The following PPARGC1A variants were observed in gnomAD, a reference collection of about 807,000 sequenced individuals.
PPARGC1A encodes the protein peroxisome proliferator-activated receptor gamma coactivator 1-alpha.
PPARGC1A carries 25 observed loss-of-function variants against 88.7 expected under a neutral mutation model. The observed-to-expected ratio is 0.28, with a 90% CI of 0.21 to 0.39. PPARGC1A has a LOEUF of 0.39. Among genes scored for constraint, PPARGC1A ranks in the 10% least tolerant of loss-of-function variants. PPARGC1A has a pLI of 1.00. For synonymous variants in PPARGC1A, 363 were observed against 355.6 expected (o/e 1.02, Z -0.24); for missense variants, 880 against 968.7 (o/e 0.91, Z 1.22).
chr4:24,196,959 G>GTATGCTGGAAAAGATTTTGGT, the PPARGC1A span, among the ~76,000 whole-genome samples: 1 of 152,186 alleles, frequency 6.6e-6, no homozygotes, highest in Non-Finnish European at 1.5e-5. Flanking sequence ...AGAAGAGACA[G>GTATGCTGGAAAAGATTTTGGT]TGTGTTTGAA....
At chr4:24,038,822 G>A in the PPARGC1A span, among the ~76,000 whole-genome samples, 1 of 152,066 alleles carries the variant, frequency 6.6e-6, no homozygotes, top group Non-Finnish European at 1.5e-5. Context: ...ACACTGAGAT[G>A]GGCATTCAGA....
At chr4:24,408,633 G>C in the PPARGC1A span, among the ~76,000 whole-genome samples, 1 of 152,178 alleles carries the variant, frequency 6.6e-6, no homozygotes, top group Non-Finnish European at 1.5e-5. Flanking sequence ...GCCATGCTGG[G>C]AGAAGCCCAA....
At chr4:24,277,413 G>A in the PPARGC1A span, among the ~76,000 whole-genome samples, 1 of 152,078 alleles carries the variant, frequency 6.6e-6, no homozygotes, top group African/African-American at 2.4e-5. Flanking sequence ...CCCTCCAAGT[G>A]TAGGCTCTGT....
chr4:24,342,632 T>A, the PPARGC1A span, among the ~76,000 whole-genome samples: 1 of 152,256 alleles, frequency 6.6e-6, no homozygotes, highest in Non-Finnish European at 1.5e-5. Context: ...TGTATTTCCT[T>A]CATTAAGCTA....
At chr4:24,372,734 T>TA in the PPARGC1A span, among the ~76,000 whole-genome samples, 4 of 152,214 alleles carry the variant, frequency 2.6e-5, no homozygotes, top group East Asian at 7.7e-4. Context: ...TTGAGCAAGC[T>TA]ACTTTATTAA....
the PPARGC1A span, among the ~76,000 whole-genome samples, chr4:24,443,155 T>C: frequency 6.6e-6 from 1 of 152,206 alleles, no homozygotes; most frequent in Non-Finnish European, 1.5e-5. Flanking sequence ...ACAAATTATA[T>C]ATTTGTCTGG....
chr4:24,325,452 T>C, the PPARGC1A span, among the ~76,000 whole-genome samples: 4 of 152,122 alleles, frequency 2.6e-5, no homozygotes, highest in Non-Finnish European at 5.9e-5. Context: ...GGCCAGGTGT[T>C]CCTCTAGAAC....
chr4:24,132,280 G>A, the PPARGC1A span, among the ~76,000 whole-genome samples: 8 of 139,674 alleles, frequency 5.7e-5, no homozygotes, highest in African/African-American at 2.1e-4. Context: ...GTACCTTTAT[G>A]AGGCTTTCTA....
At chr4:24,175,538 CTT>C in the PPARGC1A span, among the ~76,000 whole-genome samples, 20 of 84,874 alleles carry the variant, frequency 2.4e-4, no homozygotes, top group African/African-American at 9.2e-4. Flanking sequence ...CCACACCAAG[CTT>C]TTTTTTTTTT....
At chr4:24,472,080 C>T in the PPARGC1A span, among the ~76,000 whole-genome samples, 1 of 152,078 alleles carries the variant, frequency 6.6e-6, no homozygotes, top group Non-Finnish European at 1.5e-5. The surrounding 1 kb of genome is among the most constrained non-coding windows in gnomAD (Gnocchi z 4.5). Flanking sequence ...CGGGGTAACG[C>T]GCCGGCTCCT....
chr4:23,920,122 T>A, the PPARGC1A span, among the ~76,000 whole-genome samples: 1 of 152,224 alleles, frequency 6.6e-6, no homozygotes, highest in Admixed American at 6.5e-5. Flanking sequence ...AGAAGAGAGG[T>A]ATGCATAAAG....
At chr4:24,385,355 A>AT in the PPARGC1A span, among the ~76,000 whole-genome samples, 2 of 152,190 alleles carry the variant, frequency 1.3e-5, no homozygotes, top group African/African-American at 4.8e-5. Flanking sequence ...GAGCAAACAA[A>AT]TTCAAAAGCT....
the PPARGC1A span, among the ~76,000 whole-genome samples, chr4:24,186,845 A>T: frequency 6.6e-6 from 1 of 152,162 alleles, no homozygotes; most frequent in African/African-American, 2.4e-5. Context: ...TTAAAAAATT[A>T]AAAATAAAAT....
chr4:24,031,147 C>G, the PPARGC1A span, among the ~76,000 whole-genome samples: 5,680 of 152,212 alleles, frequency 0.037, 229 homozygotes, highest in African/African-American at 0.098. Context: ...CAGCACAGAG[C>G]TGGGCACACC....
the PPARGC1A span, among the ~76,000 whole-genome samples, chr4:23,914,562 T>G: frequency 6.6e-6 from 1 of 152,200 alleles, no homozygotes; most frequent in Non-Finnish European, 1.5e-5. Flanking sequence ...GAGAATATGA[T>G]TTTGAACACA....
chr4:24,384,804 A>T, the PPARGC1A span, among the ~76,000 whole-genome samples: 2 of 152,180 alleles, frequency 1.3e-5, no homozygotes, highest in Non-Finnish European at 2.9e-5. Flanking sequence ...GGAGACTTTA[A>T]CACCCCATTG....
At chr4:24,212,615 T>C in the PPARGC1A span, among the ~76,000 whole-genome samples, 2 of 152,126 alleles carry the variant, frequency 1.3e-5, no homozygotes, top group Non-Finnish European at 2.9e-5. Flanking sequence ...ACATCAACAG[T>C]AAAAAGGCTT....
chr4:24,047,343 TTAC>T, the PPARGC1A span, among the ~76,000 whole-genome samples: 3 of 152,236 alleles, frequency 2.0e-5, no homozygotes, highest in African/African-American at 4.8e-5. Flanking sequence ...TTCAATCTCT[TTAC>T]TACTATATCC....
chr4:24,304,734 C>CA, the PPARGC1A span, among the ~76,000 whole-genome samples: 4 of 152,062 alleles, frequency 2.6e-5, no homozygotes, highest in African/African-American at 9.7e-5. Context: ...AAAAGTATAC[C>CA]AAAACAACAG....
Sources: gnomAD v4.1 joint callset for allele counts (sites outside exome capture counted in the v4.1 genomes callset) on GRCh38, gnomAD v4.1.1 for gene constraint, Gnocchi (gnomAD v3.1) non-coding constraint, MANE v1.5 for transcripts, NCBI Gene and HGNC (gene_info 2026-07-23, HGNC 2026-07-21) for gene names.